LAMC1: variants seen among roughly 807,000 people sequenced by gnomAD.
LAMC1 encodes laminin subunit gamma 1.
Under a neutral mutation model 173.6 loss-of-function variants are expected in LAMC1, and 38 were observed. The observed-to-expected ratio is 0.22, with a 90% CI of 0.17 to 0.29. The LOEUF is 0.29. Ranked by LOEUF, LAMC1 falls within the 10% of genes least tolerant of loss-of-function variation. The pLI is 1.00. For missense variants in LAMC1, 1,824 were observed against 2,051.8 expected (o/e 0.89, Z 2.14); for synonymous variants, 746 against 749.1 (o/e 1.00, Z 0.07).
Position 183,136,557 on chromosome 1 carries a change from C to G in LAMC1, c.4286C>G (p.Ala1429Gly). The G allele has an allele frequency of 6.2e-7, 1 of 1,612,190 alleles. No homozygotes were observed. The highest frequency in any genetic ancestry group is 8.5e-7 in the Non-Finnish European group (1 of 1,179,020). The stretch of plus-strand genomic sequence containing the variant: ...GAGGCCAAGAACAAGGCCCATGAGG[C>G]GGAGAGGATCGCGAGCGCTGTCCAA... The part of the protein sequence containing the change: ...ATEAKNKAHE[A>G]ERIASAVQKN... Residue 1429 changes from alanine to glycine, a missense_variant, in exon 25 of 28, where the codon GCG becomes GGG. Physicochemically the swap from Ala to Gly is moderately conservative, Grantham distance 60. Coordinates refer to ENST00000258341, the MANE Select transcript of LAMC1 (RefSeq NM_002293.4).
intron 4 of LAMC1, 37 bp from the exon 5 acceptor site, chr1:183,114,494 C>T: frequency 6.2e-7 from 1 of 1,605,920 alleles, no homozygotes; most frequent in Non-Finnish European, 8.5e-7. Flanking sequence ...CTTAAAGGTA[C>T]CCAGATCTGA....
intron 1 of LAMC1, among the ~76,000 whole-genome samples, chr1:183,076,123 A>G (rs1286548670): frequency 6.6e-6 from 1 of 152,218 alleles, no homozygotes; most frequent in Non-Finnish European, 1.5e-5. Context: ...TCTTATAGCA[A>G]TGGGTACAGA....
chr1:183,142,308 AT>A (rs1657136800), intron 27 of LAMC1, among the ~76,000 whole-genome samples: 1 of 152,202 alleles, frequency 6.6e-6, no homozygotes, highest in African/African-American at 2.4e-5. Context: ...ATCCAGCTCT[AT>A]ATTAATTGTA....
At chr1:183,122,962 C>T (rs1441504270) in intron 13 of LAMC1, among the ~76,000 whole-genome samples, 3 of 152,184 alleles carry the variant, frequency 2.0e-5, no homozygotes, top group Non-Finnish European at 2.9e-5. Flanking sequence ...GCACTCTTCT[C>T]GCAGTTTCCT....
intron 13 of LAMC1, 65 bp from the exon 14 acceptor site, chr1:183,124,564 AGT>A: frequency 6.4e-7 from 1 of 1,570,112 alleles, no homozygotes; most frequent in Non-Finnish European, 8.7e-7. Context: ...ACCTGTAGCC[AGT>A]GGTAATCTAG....
intron 1 of LAMC1, 61 bp downstream of exon 1, chr1:183,024,195 C>T: frequency 6.8e-7 from 1 of 1,466,672 alleles, no homozygotes; most frequent in East Asian, 2.5e-5. Context: ...CCCGGACCGG[C>T]TCCGTCCCAG....
intron 1 of LAMC1, among the ~76,000 whole-genome samples, chr1:183,071,926 T>G (rs1258161826): frequency 6.6e-6 from 1 of 152,208 alleles, no homozygotes; most frequent in African/African-American, 2.4e-5. Context: ...GATGTCAACT[T>G]CTGAAACAAT....
At chr1:183,064,036 G>A (rs751759164) in intron 1 of LAMC1, among the ~76,000 whole-genome samples, 50 of 152,232 alleles carry the variant, frequency 3.3e-4, no homozygotes, top group Non-Finnish European at 3.1e-4. Context: ...TCTGTATTAG[G>A]TATTGTGAAG....
At position 183,118,238 on chromosome 1, in the gene LAMC1, A is replaced by G. The variant is rs576718517; in HGVS notation, c.1990+92A>G. ...GCAAAAGTTTCTCTTTCCTAATAAT[A>G]TAACACTGAGAAGTGTATAACAACT... On this transcript the variant is annotated intron_variant, in intron 11 of 27. Transcript: ENST00000258341. 6.3e-5 allele frequency: 46 copies of G among 724,542 alleles called. No homozygotes were observed. In the South Asian group the frequency reaches 7.7e-4, roughly 12 times the overall value. 44.9% of individuals were successfully genotyped at this position (724,542 alleles called of 1,614,324 possible).
chr1:183,089,834 C>T (rs1655522223), intron 1 of LAMC1, among the ~76,000 whole-genome samples: 3 of 152,094 alleles, frequency 2.0e-5, no homozygotes, highest in Admixed American at 6.5e-5. Context: ...TTAGACTAGC[C>T]TCTTGGACTA....
Position 183,075,964 on chromosome 1 carries a change from A to G in LAMC1, c.419-27364A>G, listed in dbSNP as rs115519862. Among the ~76,000 whole-genome samples, 820 of 152,368 alleles carry G rather than the reference A, an allele frequency of 5.4e-3. 10 individuals are homozygous for G. Among genetic ancestry groups the G allele is most frequent in the African/African-American group, 0.018 (763 of 41,588 alleles). On this transcript the variant is annotated intron_variant, in intron 1 of 27. Coordinates refer to ENST00000258341, the MANE Select transcript of LAMC1 (RefSeq NM_002293.4). ...TTTGTGGAGAGGAAGAATAAGAGCT[A>G]TTAAAATAACAGTTTCTTAATTTCT...
At chr1:183,096,372 C>T (rs1655694103) in intron 1 of LAMC1, among the ~76,000 whole-genome samples, 1 of 152,148 alleles carries the variant, frequency 6.6e-6, no homozygotes, top group African/African-American at 2.4e-5. Flanking sequence ...GCTTTTGATA[C>T]AGAATTCTGT....
intron 1 of LAMC1, among the ~76,000 whole-genome samples, chr1:183,067,654 A>T (rs373298464): frequency 1.3e-5 from 2 of 150,790 alleles, no homozygotes; most frequent in African/African-American, 4.9e-5. Context: ...ACATCCAGCT[A>T]TTTTTTTTTG....
chr1:183,127,135 C>T (rs1656641529), intron 16 of LAMC1, 91 bp from the exon 17 acceptor site: 1 of 1,234,580 alleles, frequency 8.1e-7, no homozygotes, highest in Admixed American at 2.1e-5. Context: ...GTATAGTCAG[C>T]TTATAGTCAG....
chr1:183,023,534 G>C lies in LAMC1; in HGVS notation c.-183G>C, dbSNP rs1653587440. On this transcript the variant is annotated 5_prime_UTR_variant, in exon 1 of 28. Coordinates refer to ENST00000258341, the MANE Select transcript of LAMC1 (RefSeq NM_002293.4). ...GGGGCAGTGGTCGGCGAGCAGCGCG[G>C]TCCTCGCTAGGGGCGCCCACCCGTC... The C allele has an allele frequency of 3.4e-6, 1 of 290,844 alleles. No homozygotes were observed. Among genetic ancestry groups the C allele is most frequent in the East Asian group, 8.2e-5 (1 of 12,252 alleles). The allele number at this position is 290,844 out of a possible 1,614,324, so 18.0% of individuals were successfully genotyped here. A position where few individuals can be genotyped will look rare whatever the true frequency, so the allele number is the denominator to read the frequency against.
At chr1:183,134,946 A>C in intron 23 of LAMC1, 96 bp from the exon 24 acceptor site, 1 of 1,335,856 alleles carries the variant, frequency 7.5e-7, no homozygotes, top group Non-Finnish European at 1.1e-6. Context: ...TATGCTGGCA[A>C]GTCTCAGGGT....
At chr1:183,035,671 G>T (rs762706924) in intron 1 of LAMC1, among the ~76,000 whole-genome samples, 10 of 152,134 alleles carry the variant, frequency 6.6e-5, no homozygotes, top group Non-Finnish European at 1.5e-4. Flanking sequence ...ATTTCTACAC[G>T]TTCTGAATTT....
rs888072489 is a variant in LAMC1, at chr1:183,143,574, A to G, written c.*784A>G. On this transcript the variant is annotated 3_prime_UTR_variant, in exon 28 of 28. Coordinates refer to ENST00000258341, the MANE Select transcript of LAMC1 (RefSeq NM_002293.4). The stretch of plus-strand genomic sequence containing the variant: ...CCAATAGACCAAAAGACATCTTTTG[A>G]TATTCTTATAAATGGAACTTACACA... The G allele has an allele frequency of 1.3e-5, 2 of 152,594 alleles. No individual in the cohort carries two copies. The highest frequency in any genetic ancestry group is 2.9e-5 in the Non-Finnish European group (2 of 68,040). 9.5% of individuals were successfully genotyped at this position (152,594 alleles called of 1,614,324 possible).
chr1:183,135,114 G>C lies in LAMC1; in HGVS notation c.4072G>C (p.Asp1358His), dbSNP rs143200486. Residue 1358 changes from aspartate (D) to histidine (H), a missense_variant, in exon 24 of 28, where the codon GAT becomes CAT. Coordinates refer to ENST00000258341, the MANE Select transcript of LAMC1 (RefSeq NM_002293.4). ...LAEEAAKKGR[D>H]TLQEANDILN... Reference sequence around the variant, plus strand: ...TGAAGAAGCTGCAAAGAAGGGACGGGATACCTTACAAGAAGCTAATGACAT... The same window carrying C: ...TGAAGAAGCTGCAAAGAAGGGACGGCATACCTTACAAGAAGCTAATGACAT... The C allele has an allele frequency of 1.2e-5, 19 of 1,613,930 alleles. No individual in the cohort carries two copies. Among genetic ancestry groups the C allele is most frequent in the Non-Finnish European group, 1.4e-5 (17 of 1,179,924 alleles).
Sources: allele counts gnomAD v4.1 joint callset (sites outside exome capture counted in the v4.1 genomes callset), GRCh38; gene constraint gnomAD v4.1.1; transcripts MANE v1.5; gene names NCBI Gene and HGNC (gene_info 2026-07-23, HGNC 2026-07-21).